The following RAPGEF4 variants were observed in gnomAD, a reference collection of about 807,000 sequenced individuals.
RAPGEF4 encodes Rap guanine nucleotide exchange factor 4.
Under a neutral mutation model 147.9 loss-of-function variants are expected in RAPGEF4, and 66 were observed. The ratio of observed to expected loss-of-function variants is 0.45; its 90% CI spans 0.37 to 0.55. The LOEUF (loss-of-function observed/expected upper bound fraction) is 0.55. Ranked by LOEUF, RAPGEF4 falls within the 20% of genes least tolerant of loss-of-function variation. The pLI, the probability that RAPGEF4 is intolerant of heterozygous loss-of-function variation, is 0.00. For synonymous variants in RAPGEF4, 419 were observed against 442.7 expected (o/e 0.95, Z 0.67); for missense variants, 1,071 against 1,257.3 (o/e 0.85, Z 2.24).
intron 4 of RAPGEF4, among the ~76,000 whole-genome samples, chr2:172,902,070 T>C (rs1298689730): frequency 6.6e-6 from 1 of 152,076 alleles, no homozygotes; most frequent in African/African-American, 2.4e-5. Flanking sequence ...CAAGGGCAAG[T>C]GGCAGAAGTA....
intron 4 of RAPGEF4, among the ~76,000 whole-genome samples, chr2:172,834,122 G>T (rs1453801203): frequency 6.6e-6 from 1 of 152,142 alleles, no homozygotes; most frequent in Non-Finnish European, 1.5e-5. Context: ...ATCACGTGCT[G>T]TTTTTCTTGG....
intron 18 of RAPGEF4, among the ~76,000 whole-genome samples, chr2:173,015,640 T>C (rs371948316): frequency 2.3e-4 from 35 of 152,270 alleles, no homozygotes; most frequent in African/African-American, 7.7e-4. Flanking sequence ...CAGGACCATT[T>C]TGTAGATGAA....
chr2:172,929,463 C>T (rs1388678974), intron 6 of RAPGEF4, among the ~76,000 whole-genome samples: 1 of 152,084 alleles, frequency 6.6e-6, no homozygotes, highest in Non-Finnish European at 1.5e-5. Flanking sequence ...ATGTATATAG[C>T]AATTTCAATT....
At chr2:172,853,097 A>T (rs1434395335) in intron 4 of RAPGEF4, among the ~76,000 whole-genome samples, 4 of 151,704 alleles carry the variant, frequency 2.6e-5, no homozygotes, top group Non-Finnish European at 5.9e-5. Context: ...GTTCATAGCA[A>T]TTTTTTTCTT....
intron 18 of RAPGEF4, 24 bp downstream of exon 18, chr2:173,014,638 A>C (rs1695338527): frequency 2.5e-6 from 4 of 1,607,166 alleles, no homozygotes; most frequent in Non-Finnish European, 2.6e-6. Context: ...ATCTCTTCCA[A>C]GAATATACTG....
chr2:173,011,160 G>GCGCA (rs1491558181), intron 17 of RAPGEF4, among the ~76,000 whole-genome samples: 158 of 9,326 alleles, frequency 0.017, no homozygotes, highest in Admixed American at 0.078. Context: ...TGGAACTTCA[G>GCGCA]CGCGCGCGCG....
rs185580503 is a variant in RAPGEF4, at chr2:173,018,566, T to C, written c.2009-90T>C. ...AACAAAAATGGCAAAATGATGCAAA[T>C]TGGAGAGGATGCCTAAACATTTTTC... On this transcript the variant is annotated intron_variant, in intron 21 of 30. Transcript: ENST00000397081. 5.9e-5 allele frequency: 83 copies of C among 1,400,214 alleles called. No individual in the cohort carries two copies. The East Asian group carries it at 1.8e-3, about 31-fold the overall frequency. The allele number at this position is 1,400,214 out of a possible 1,614,324, so 86.7% of individuals were successfully genotyped here.
At chr2:172,882,990 C>G (rs974791083) in intron 4 of RAPGEF4, among the ~76,000 whole-genome samples, 1 of 151,892 alleles carries the variant, frequency 6.6e-6, no homozygotes, top group Non-Finnish European at 1.5e-5. Context: ...TGTTCATTTC[C>G]AATTATCCAC....
At chr2:172,816,060 A>G (rs890993457) in intron 4 of RAPGEF4, among the ~76,000 whole-genome samples, 4 of 152,164 alleles carry the variant, frequency 2.6e-5, no homozygotes, top group African/African-American at 9.7e-5. Flanking sequence ...CATATATCTC[A>G]AAAAACTTAG....
chr2:172,931,607 C>A (rs918730051), intron 6 of RAPGEF4, among the ~76,000 whole-genome samples: 1 of 152,150 alleles, frequency 6.6e-6, no homozygotes, highest in Non-Finnish European at 1.5e-5. Context: ...AGTGAGGAAG[C>A]CACACCCAAA....
chr2:172,916,674 A>G (rs1684107353), intron 4 of RAPGEF4, among the ~76,000 whole-genome samples: 2 of 152,182 alleles, frequency 1.3e-5, no homozygotes, highest in South Asian at 4.1e-4. Context: ...GAATGAGAAG[A>G]AAAAAAGAAT....
chr2:172,966,251 C>T (rs886506040), intron 9 of RAPGEF4, among the ~76,000 whole-genome samples: 1 of 152,184 alleles, frequency 6.6e-6, no homozygotes, highest in Non-Finnish European at 1.5e-5. Context: ...TCTGGCCAAA[C>T]TCTTATGCCA....
At chr2:173,049,337 G>T (rs1455142545) in intron 30 of RAPGEF4, among the ~76,000 whole-genome samples, 1 of 152,092 alleles carries the variant, frequency 6.6e-6, no homozygotes, top group Admixed American at 6.5e-5. Context: ...GTTTCTTCTG[G>T]GCTGGGACTT....
rs182781640 is a variant in RAPGEF4 at position 172,938,612 on chromosome 2, C to T, written c.537+16312C>T. On this transcript the variant is annotated intron_variant, in intron 6 of 30. Transcript: ENST00000397081. ...CTCCCTTCGTTGAAGTTATTTCATA[C>T]ATTTATTATACAGTCAAATTATTTT... is the stretch of plus-strand genomic sequence containing the variant. 6.0e-4 allele frequency among the ~76,000 whole-genome samples: 92 copies of T among 152,306 alleles called. 1 individual carries two copies. Among genetic ancestry groups the T allele is most frequent in the Admixed American group, 4.4e-3 (68 of 15,302 alleles).
At chr2:172,850,581 G>A (rs1692696766) in intron 4 of RAPGEF4, among the ~76,000 whole-genome samples, 2 of 151,588 alleles carry the variant, frequency 1.3e-5, no homozygotes, top group Admixed American at 1.3e-4. Context: ...TCATGCCACT[G>A]CACTCCAGCC....
intron 4 of RAPGEF4, among the ~76,000 whole-genome samples, chr2:172,910,281 C>T (rs776393427): frequency 5.3e-5 from 8 of 152,218 alleles, no homozygotes; most frequent in Non-Finnish European, 1.0e-4. Context: ...GACAGTTTCT[C>T]CATTGCACCC....
At chr2:172,873,784 T>C (rs913997846) in intron 4 of RAPGEF4, among the ~76,000 whole-genome samples, 4 of 152,190 alleles carry the variant, frequency 2.6e-5, no homozygotes, top group Non-Finnish European at 5.9e-5. Flanking sequence ...GAGAACATTT[T>C]TGCAATCTAT....
intron 17 of RAPGEF4, among the ~76,000 whole-genome samples, chr2:173,007,808 A>G (rs1694630665): frequency 6.6e-6 from 1 of 152,232 alleles, no homozygotes; most frequent in Admixed American, 6.5e-5. Context: ...GCTGCTCCAC[A>G]AAGACAAGAA....
Position 172,830,075 on chromosome 2 carries a change from G to T in RAPGEF4, c.444+15650G>T, listed in dbSNP as rs141014237. 6.8e-3 allele frequency among the ~76,000 whole-genome samples: 1,041 copies of T among 152,164 alleles called. 7 individuals are homozygous for T. Among genetic ancestry groups the T allele is most frequent in the Non-Finnish European group, 0.01 (697 of 68,006 alleles). Reference sequence around the variant, plus strand: ...GATAGGGGTCTGTTATCTACCAAAAGATTAAGAACCATTTTCTGTGGAATT... The same window carrying T: ...GATAGGGGTCTGTTATCTACCAAAATATTAAGAACCATTTTCTGTGGAATT... On this transcript the variant is annotated intron_variant, in intron 4 of 30. Coordinates refer to ENST00000397081, the MANE Select transcript of RAPGEF4 (RefSeq NM_007023.4).
Sources: allele counts gnomAD v4.1 joint callset (sites outside exome capture counted in the v4.1 genomes callset), GRCh38; gene constraint gnomAD v4.1.1; transcripts MANE v1.5; gene names NCBI Gene and HGNC (gene_info 2026-07-23, HGNC 2026-07-21).